The following LRRC42 variants were observed in gnomAD, a reference collection of about 807,000 sequenced individuals.
LRRC42 encodes leucine-rich repeat-containing protein 42.
In LRRC42, 43 loss-of-function variants were observed where a neutral mutation model predicts 44.3. The observed-to-expected ratio is 0.97, with a 90% CI of 0.76 to 1.25. LRRC42 has a LOEUF of 1.25. Among genes scored for constraint, LRRC42 ranks in the 50% most tolerant of loss-of-function variants. The pLI is 0.00. For missense variants in LRRC42, 540 were observed against 509.1 expected, an observed-to-expected ratio of 1.06 and a Z score of -0.58; for synonymous variants, 207 against 195.2, an observed-to-expected ratio of 1.06 and a Z score of -0.50.
chr1:53,960,129 G>C (rs1654954693), intron 4 of LRRC42, among the ~76,000 whole-genome samples: 1 of 151,886 alleles, frequency 6.6e-6, no homozygotes. Context: ...CTAACTCCTG[G>C]GCCCAAGTGA....
chr1:53,956,876 C>T (rs545364584), intron 3 of LRRC42, among the ~76,000 whole-genome samples: 191 of 152,218 alleles, frequency 1.3e-3, no homozygotes, highest in Middle Eastern at 3.4e-3. Flanking sequence ...CCTCTAAATC[C>T]CCATTAACAC....
At chr1:53,948,493 A>C (rs1654587549) in intron 2 of LRRC42, among the ~76,000 whole-genome samples, 1 of 152,140 alleles carries the variant, frequency 6.6e-6, no homozygotes, top group South Asian at 2.1e-4. Flanking sequence ...GCTTGTGGTG[A>C]CCAAATGCTA....
chr1:53,962,202 G>A, intron 6 of LRRC42, 80 bp downstream of exon 6: 1 of 1,446,138 alleles, frequency 6.9e-7, no homozygotes, highest in Non-Finnish European at 9.7e-7. Context: ...TATTTAGAAA[G>A]GGCTGGTATT....
intron 3 of LRRC42, among the ~76,000 whole-genome samples, chr1:53,952,746 A>G (rs1654728298): frequency 6.6e-6 from 1 of 152,214 alleles, no homozygotes; most frequent in Non-Finnish European, 1.5e-5. Flanking sequence ...TTTCAAAGAG[A>G]AAATAGAAAA....
rs144053083 is a variant in LRRC42 at position 53,966,375 on chromosome 1, G to A, written c.1007G>A (p.Arg336His). ...ETSEPRAAAQRFYGKRSRAEA... is the reference protein window; with the variant it reads ...ETSEPRAAAQHFYGKRSRAEA... ...TCGGAGCCTAGAGCAGCAGCTCAGC[G>A]CTTCTGTGAGAAATTCCCTTTCCTT... Residue 336 changes from arginine to histidine, a missense_variant, in exon 8 of 9, where the codon CGC becomes CAC. Physicochemically the swap from Arg to His is conservative, Grantham distance 29. Coordinates refer to ENST00000371370, the MANE Select transcript of LRRC42 (RefSeq NM_001256409.2). 1.8e-5 allele frequency: 29 copies of A among 1,612,384 alleles called. No individual in the cohort carries two copies. The highest frequency in any genetic ancestry group is 1.6e-4 in the Middle Eastern group (1 of 6,078).
chr1:53,960,964 G>A (rs1654978519), intron 5 of LRRC42, among the ~76,000 whole-genome samples: 1 of 152,146 alleles, frequency 6.6e-6, no homozygotes, highest in Non-Finnish European at 1.5e-5. Context: ...CTCTATGGCA[G>A]GACAGTATGA....
At chr1:53,955,837 C>T (rs915867085) in intron 3 of LRRC42, among the ~76,000 whole-genome samples, 3 of 151,580 alleles carry the variant, frequency 2.0e-5, no homozygotes, top group South Asian at 4.2e-4. Flanking sequence ...ACCATGTTAG[C>T]CAGGATGGTC....
intron 3 of LRRC42, among the ~76,000 whole-genome samples, chr1:53,954,277 G>A (rs184840246): frequency 1.3e-5 from 2 of 152,304 alleles, no homozygotes; most frequent in Non-Finnish European, 2.9e-5. Flanking sequence ...CATAAACTGA[G>A]CAGGCACCTT....
chr1:53,961,336 G>C (rs566908109), intron 5 of LRRC42, among the ~76,000 whole-genome samples: 2 of 152,114 alleles, frequency 1.3e-5, no homozygotes, highest in East Asian at 3.9e-4. Context: ...GCGTGAATCC[G>C]GGAGGCGGAG....
At chr1:53,964,235 G>C (rs1357548470) in intron 7 of LRRC42, among the ~76,000 whole-genome samples, 3 of 151,956 alleles carry the variant, frequency 2.0e-5, no homozygotes, top group African/African-American at 7.3e-5. Flanking sequence ...ATTTTTCTCT[G>C]GGCCTCTCTC....
At chr1:53,956,398 A>G (rs1398135850) in intron 3 of LRRC42, among the ~76,000 whole-genome samples, 1 of 152,212 alleles carries the variant, frequency 6.6e-6, no homozygotes, top group Non-Finnish European at 1.5e-5. Context: ...CTACTATTTC[A>G]TGAGGTCTTG....
intron 7 of LRRC42, among the ~76,000 whole-genome samples, chr1:53,966,009 A>G (rs1419167391): frequency 6.6e-6 from 1 of 152,208 alleles, no homozygotes; most frequent in Non-Finnish European, 1.5e-5. Context: ...TATGTAATTT[A>G]TTTCCAGCTT....
intron 2 of LRRC42, among the ~76,000 whole-genome samples, chr1:53,948,270 G>C (rs1007606437): frequency 3.9e-5 from 6 of 152,116 alleles, no homozygotes; most frequent in African/African-American, 1.4e-4. Context: ...ATTTTACCCT[G>C]TGGGCTCCCT....
At position 53,966,277 on chromosome 1, in the gene LRRC42, C is replaced by G. The variant is rs1417994342; in HGVS notation, c.928-19C>G. 6.3e-7 allele frequency: 1 copy of G among 1,597,028 alleles called. No homozygotes were observed. Among genetic ancestry groups the G allele is most frequent in the Non-Finnish European group, 8.6e-7 (1 of 1,165,252 alleles). ...CTCAATATTTTGTTTGGATTCAAAT[C>G]TTTCCAAATATGTTTCAGATCGTTC... On this transcript the variant is annotated intron_variant, in intron 7 of 8. Transcript: ENST00000371370.
At chr1:53,960,555 T>C in intron 5 of LRRC42, 81 bp downstream of exon 5, 1 of 1,051,460 alleles carries the variant, frequency 9.5e-7, no homozygotes, top group Non-Finnish European at 1.4e-6. Context: ...CTCTTCATTT[T>C]AGAGGTGAGA....
chr1:53,960,259 G>A (rs1654958017), intron 4 of LRRC42, 97 bp from the exon 5 acceptor site: 6 of 840,172 alleles, frequency 7.1e-6, no homozygotes, highest in African/African-American at 1.7e-5. Context: ...TAGAGGATAT[G>A]TTATATTTTT....
chr1:53,962,025 G>A lies in LRRC42; in HGVS notation c.725-9G>A, dbSNP rs777124369. 138 of 1,595,632 alleles carry A rather than the reference G, an allele frequency of 8.6e-5. 1 individual carries two copies. The highest frequency in any genetic ancestry group is 1.2e-5 in the Non-Finnish European group (14 of 1,169,226). ...TGTGACAGAATGCTACGTTGTTTTT[G>A]ACATCTAGGTAACCCTGAGATCACA... is the stretch of plus-strand genomic sequence containing the variant. On this transcript the variant is annotated splice_polypyrimidine_tract_variant and intron_variant, in intron 5 of 8. Coordinates refer to ENST00000371370, the MANE Select transcript of LRRC42 (RefSeq NM_001256409.2).
intron 3 of LRRC42, among the ~76,000 whole-genome samples, chr1:53,955,684 A>G (rs1349006108): frequency 6.9e-6 from 1 of 144,652 alleles, no homozygotes; most frequent in African/African-American, 2.6e-5. Context: ...GCTGGAGTGC[A>G]GTGGCTCGAT....
chr1:53,951,201 A>G (rs1393665341), intron 2 of LRRC42, among the ~76,000 whole-genome samples: 1 of 152,258 alleles, frequency 6.6e-6, no homozygotes, highest in Non-Finnish European at 1.5e-5. Flanking sequence ...GTGTCTAAAC[A>G]TGTTTTTTAA....
Sources: gnomAD v4.1 joint callset for allele counts (sites outside exome capture counted in the v4.1 genomes callset) on GRCh38, gnomAD v4.1.1 for gene constraint, MANE v1.5 for transcripts, NCBI Gene and HGNC (gene_info 2026-07-23, HGNC 2026-07-21) for gene names.